The following QTMAN variants were observed in gnomAD, a reference collection of about 807,000 sequenced individuals.
QTMAN encodes the protein queuosine-tRNA mannosyltransferase, also known as tRNA-queuosine alpha-mannosyltransferase.
chr2:143,999,564 G>T, the QTMAN span, among the ~76,000 whole-genome samples: 4 of 151,960 alleles, frequency 2.6e-5, no homozygotes, highest in Non-Finnish European at 5.9e-5. Context: ...AAAATATATA[G>T]CAAAGAAACA....
chr2:143,959,796 A>G, the QTMAN span, among the ~76,000 whole-genome samples: 3 of 152,122 alleles, frequency 2.0e-5, no homozygotes, highest in Non-Finnish European at 1.5e-5. Context: ...CAAAATGGAT[A>G]TATTTTATAT....
At chr2:144,144,929 T>C in the QTMAN span, among the ~76,000 whole-genome samples, 1 of 151,876 alleles carries the variant, frequency 6.6e-6, no homozygotes, top group African/African-American at 2.4e-5. Flanking sequence ...AGAATTGTTA[T>C]TAACTTCTTT....
At chr2:144,145,785 A>G in the QTMAN span, 1 of 1,508,462 alleles carries the variant, frequency 6.6e-7, no homozygotes, top group Middle Eastern at 1.7e-4. Flanking sequence ...GTATGTTTGA[A>G]GGGATCATGC....
the QTMAN span, among the ~76,000 whole-genome samples, chr2:144,036,462 G>C: frequency 6.6e-6 from 1 of 152,116 alleles, no homozygotes; most frequent in Non-Finnish European, 1.5e-5. Flanking sequence ...AGCTATCTAA[G>C]TAGGCTTTGT....
the QTMAN span, among the ~76,000 whole-genome samples, chr2:144,122,042 A>G: frequency 0.03 from 4,588 of 152,316 alleles, 100 homozygotes; most frequent in Admixed American, 0.044. Flanking sequence ...AAAAATAGAG[A>G]TGACTCTTTT....
chr2:144,314,876 T>C, the QTMAN span, among the ~76,000 whole-genome samples: 1 of 152,164 alleles, frequency 6.6e-6, no homozygotes, highest in African/African-American at 2.4e-5. Context: ...ATAAAGTTAA[T>C]TTTAATTTTT....
the QTMAN span, among the ~76,000 whole-genome samples, chr2:144,238,943 AATG>A: frequency 6.6e-6 from 1 of 152,110 alleles, no homozygotes. Context: ...TTGAAACTTT[AATG>A]ATAACAAGAT....
At chr2:144,012,365 C>T in the QTMAN span, among the ~76,000 whole-genome samples, 4 of 152,218 alleles carry the variant, frequency 2.6e-5, no homozygotes, top group Admixed American at 1.3e-4. Flanking sequence ...TCATATCAGC[C>T]GGGAAAAGAC....
the QTMAN span, among the ~76,000 whole-genome samples, chr2:144,296,146 G>A: frequency 1.3e-5 from 2 of 152,096 alleles, no homozygotes; most frequent in Non-Finnish European, 2.9e-5. Context: ...ACAAGCATCA[G>A]GTCATATAAA....
At chr2:144,173,174 G>C in the QTMAN span, among the ~76,000 whole-genome samples, 1 of 152,008 alleles carries the variant, frequency 6.6e-6, no homozygotes, top group Non-Finnish European at 1.5e-5. Context: ...AAAAAATCCA[G>C]CTGTTTTTAA....
chr2:144,255,939 A>G, the QTMAN span, among the ~76,000 whole-genome samples: 4 of 152,234 alleles, frequency 2.6e-5, no homozygotes, highest in Non-Finnish European at 4.4e-5. Flanking sequence ...GGGAAGGCTG[A>G]AGGGGACTAT....
At chr2:144,302,967 T>C in the QTMAN span, among the ~76,000 whole-genome samples, 1 of 152,134 alleles carries the variant, frequency 6.6e-6, no homozygotes, top group African/African-American at 2.4e-5. Flanking sequence ...CCAGGCATGG[T>C]TGTGCACACC....
chr2:144,126,667 T>C, the QTMAN span, among the ~76,000 whole-genome samples: 2 of 152,000 alleles, frequency 1.3e-5, no homozygotes, highest in African/African-American at 4.8e-5. Flanking sequence ...ATGGTATTAT[T>C]TGAGGACCAG....
At chr2:144,105,445 T>G in the QTMAN span, among the ~76,000 whole-genome samples, 5 of 152,200 alleles carry the variant, frequency 3.3e-5, no homozygotes, top group East Asian at 7.7e-4. Flanking sequence ...GCACGAGAAC[T>G]ACGTGATGAA....
At chr2:144,193,973 T>C in the QTMAN span, among the ~76,000 whole-genome samples, 1 of 152,182 alleles carries the variant, frequency 6.6e-6, no homozygotes, top group Non-Finnish European at 1.5e-5. Context: ...AAACCACCTA[T>C]ATCTGAGGAA....
At chr2:144,313,626 T>C in the QTMAN span, among the ~76,000 whole-genome samples, 12 of 152,150 alleles carry the variant, frequency 7.9e-5, no homozygotes, top group African/African-American at 2.9e-4. Context: ...GCCAACTGTT[T>C]ACAATGGAAA....
chr2:144,184,175 T>C, the QTMAN span, among the ~76,000 whole-genome samples: 80 of 152,294 alleles, frequency 5.3e-4, no homozygotes, highest in Non-Finnish European at 8.7e-4. Flanking sequence ...CTAAGTTCTT[T>C]ACACTGAGGG....
the QTMAN span, among the ~76,000 whole-genome samples, chr2:144,279,948 TG>T: frequency 6.6e-6 from 1 of 151,878 alleles, no homozygotes; most frequent in East Asian, 1.9e-4. Context: ...GGCAAGGGGG[TG>T]GGGCTGGGAG....
At chr2:144,133,182 A>ACAT in the QTMAN span, among the ~76,000 whole-genome samples, 2 of 37,650 alleles carry the variant, frequency 5.3e-5, no homozygotes, top group East Asian at 5.5e-4. Flanking sequence ...AAATATATAT[A>ACAT]ATATAAATTT....
Sources: allele counts gnomAD v4.1 joint callset (sites outside exome capture counted in the v4.1 genomes callset), GRCh38; gene constraint gnomAD v4.1.1; transcripts MANE v1.5; gene names NCBI Gene and HGNC (gene_info 2026-07-23, HGNC 2026-07-21).